PKHD1: variants seen among roughly 807,000 people sequenced by gnomAD.
PKHD1 encodes PKHD1 ciliary IPT domain containing fibrocystin/polyductin.
A neutral mutation model predicts 412.0 loss-of-function variants in PKHD1; 291 were observed. That is an observed-to-expected ratio of 0.71 (90% CI 0.64 to 0.78). PKHD1 has a LOEUF of 0.78. Ranked by LOEUF, PKHD1 falls within the 30% of genes least tolerant of loss-of-function variation. The pLI, the probability that PKHD1 is intolerant of heterozygous loss-of-function variation, is 0.00. For synonymous variants in PKHD1, 1,777 were observed against 1,821.5 expected, an observed-to-expected ratio of 0.98 and a Z score of 0.62; for missense variants, 4,825 against 4,950.7, an observed-to-expected ratio of 0.97 and a Z score of 0.76.
intron 35 of PKHD1, among the ~76,000 whole-genome samples, chr6:51,981,252 T>G (rs904031797): frequency 1.1e-5 from 1 of 93,984 alleles, no homozygotes; most frequent in Non-Finnish European, 2.6e-5. Flanking sequence ...CAACCCAAGC[T>G]CAAATTCTTC....
chr6:51,819,106 A>C (rs1196958350), intron 52 of PKHD1, among the ~76,000 whole-genome samples: 2 of 152,178 alleles, frequency 1.3e-5, no homozygotes, highest in East Asian at 3.8e-4. Context: ...GTGAGTGTTA[A>C]ATTAGGTGTG....
intron 64 of PKHD1, among the ~76,000 whole-genome samples, chr6:51,635,599 T>C (rs896739862): frequency 3.3e-5 from 5 of 151,862 alleles, no homozygotes; most frequent in Admixed American, 3.3e-4. Context: ...AATAAATACA[T>C]AGATACTATA....
chr6:52,019,293 T>C (rs999255554), intron 33 of PKHD1, among the ~76,000 whole-genome samples: 1 of 152,234 alleles, frequency 6.6e-6, no homozygotes, highest in Non-Finnish European at 1.5e-5. Flanking sequence ...TGGCAAGGGT[T>C]ACATGAGATA....
chr6:51,743,122 C>A (rs1361726016), intron 60 of PKHD1, among the ~76,000 whole-genome samples: 2 of 152,054 alleles, frequency 1.3e-5, no homozygotes, highest in Non-Finnish European at 2.9e-5. Flanking sequence ...GGACTTCATT[C>A]TGAATGGGTG....
At chr6:51,630,045 T>C (rs1166236652) in intron 65 of PKHD1, among the ~76,000 whole-genome samples, 2 of 152,124 alleles carry the variant, frequency 1.3e-5, no homozygotes, top group Non-Finnish European at 2.9e-5. Context: ...GTTGAGAAGA[T>C]CTTCACGACT....
At chr6:52,002,392 A>G (rs967748444) in intron 35 of PKHD1, among the ~76,000 whole-genome samples, 2 of 152,142 alleles carry the variant, frequency 1.3e-5, no homozygotes, top group Non-Finnish European at 2.9e-5. Flanking sequence ...TTACCCTAAG[A>G]AGGCAAAGCC....
Position 52,073,519 on chromosome 6 carries a change from G to A in PKHD1, c.471C>T (p.Gly157=). ...TTTCCAATCTTCCAGTGATAATCCA[G>A]CCATATACATGTATTAGTTTTCCTG... ...GVPGKLIHVY[G]WIITGRLETF... is the part of the protein sequence containing the mutation. The change falls in exon 7 of 67, where the codon GGC becomes GGT. Residue 157 remains glycine (G), a synonymous_variant. Coordinates refer to ENST00000371117, the MANE Select transcript of PKHD1 (RefSeq NM_138694.4). 1 of 1,601,908 alleles carries A rather than the reference G, an allele frequency of 6.2e-7. No homozygotes were observed. The highest frequency in any genetic ancestry group is 8.6e-7 in the Non-Finnish European group (1 of 1,168,996).
intron 29 of PKHD1, 42 bp downstream of exon 29, chr6:52,032,988 T>C (rs1803299708): frequency 3.2e-6 from 5 of 1,563,460 alleles, no homozygotes; most frequent in South Asian, 2.2e-5. Context: ...ATAGGACCAA[T>C]GCTCTAAGAA....
intron 37 of PKHD1, among the ~76,000 whole-genome samples, chr6:51,924,098 A>G (rs1583397963): frequency 6.6e-6 from 1 of 152,212 alleles, no homozygotes; most frequent in South Asian, 2.1e-4. Flanking sequence ...AATTTTGACA[A>G]ATACCAAATA....
intron 60 of PKHD1, among the ~76,000 whole-genome samples, chr6:51,742,056 T>C (rs1163631177): frequency 2.0e-5 from 3 of 152,226 alleles, no homozygotes; most frequent in Non-Finnish European, 2.9e-5. Context: ...AAACTTACTA[T>C]AGAACACCAT....
At position 51,638,839 on chromosome 6, in the gene PKHD1, A is replaced by G. The variant is rs1768953580; in HGVS notation, c.11506+10T>C. ...AAAACACAGAATAAAAGCACACTGTATAAAATTACCTGGAGGAGAAGTGAC... is the reference window on the plus strand; with the variant it reads ...AAAACACAGAATAAAAGCACACTGTGTAAAATTACCTGGAGGAGAAGTGAC... On this transcript the variant is annotated intron_variant, in intron 64 of 66. Transcript: ENST00000371117. 2 of 1,479,010 alleles carry G rather than the reference A, an allele frequency of 1.4e-6. No individual in the cohort carries two copies. Among genetic ancestry groups the G allele is most frequent in the Non-Finnish European group, 9.5e-7 (1 of 1,057,822 alleles). 91.6% of individuals were successfully genotyped at this position (1,479,010 alleles called of 1,614,324 possible).
At chr6:52,005,207 T>C (rs1357499372) in intron 35 of PKHD1, among the ~76,000 whole-genome samples, 1 of 152,182 alleles carries the variant, frequency 6.6e-6, no homozygotes, top group Non-Finnish European at 1.5e-5. Context: ...CCCAGTTATC[T>C]CTCACCTAGC....
At chr6:51,633,262 A>T (rs1381213308) in intron 64 of PKHD1, among the ~76,000 whole-genome samples, 2 of 152,168 alleles carry the variant, frequency 1.3e-5, no homozygotes, top group African/African-American at 2.4e-5. Context: ...GCAAGATAGC[A>T]TCCTGTTGAG....
chr6:51,867,778 C>A, intron 48 of PKHD1, 85 bp downstream of exon 48: 2 of 1,256,032 alleles, frequency 1.6e-6, no homozygotes, highest in Non-Finnish European at 2.3e-6. Context: ...ATCTAGAAAA[C>A]AATTTCCCTT....
At chr6:51,790,266 TTGGAG>T in intron 53 of PKHD1, among the ~76,000 whole-genome samples, 1 of 152,352 alleles carries the variant, frequency 6.6e-6, no homozygotes, top group East Asian at 1.9e-4. Flanking sequence ...ATTAGTTCCT[TTGGAG>T]ACAGGGTACA....
intron 35 of PKHD1, 101 bp from the exon 36 acceptor site, chr6:51,960,127 T>C: frequency 1.8e-6 from 2 of 1,122,908 alleles, no homozygotes; most frequent in East Asian, 4.9e-5. Flanking sequence ...GGTTCATTCA[T>C]TGTTTTTGGG....
chr6:52,045,876 C>A (rs749273669), intron 24 of PKHD1, 128 bp downstream of exon 24: 29 of 727,118 alleles, frequency 4.0e-5, no homozygotes, highest in Non-Finnish European at 6.5e-5. Context: ...CATAGAATCC[C>A]TTTACTCAAA....
chr6:51,924,606 C>A (rs1211271879), intron 37 of PKHD1, among the ~76,000 whole-genome samples: 1 of 152,112 alleles, frequency 6.6e-6, no homozygotes, highest in East Asian at 1.9e-4. Context: ...ACACAATAAT[C>A]CAGGCATAAG....
intron 36 of PKHD1, among the ~76,000 whole-genome samples, chr6:51,947,947 A>G (rs1789726841): frequency 6.6e-6 from 1 of 151,996 alleles, no homozygotes; most frequent in Admixed American, 6.6e-5. Flanking sequence ...TTCCCATTCC[A>G]TGAATGGTAA....
Sources: allele counts gnomAD v4.1 joint callset (sites outside exome capture counted in the v4.1 genomes callset), GRCh38; gene constraint gnomAD v4.1.1; transcripts MANE v1.5; gene names NCBI Gene and HGNC (gene_info 2026-07-23, HGNC 2026-07-21).